The following SPATA22 variants were observed in gnomAD, a reference collection of about 807,000 sequenced individuals.
SPATA22 encodes spermatogenesis associated 22.
Under a neutral mutation model 47.8 loss-of-function variants are expected in SPATA22, and 29 were observed. The ratio of observed to expected loss-of-function variants is 0.61; its 90% confidence interval spans 0.45 to 0.83. The LOEUF (loss-of-function observed/expected upper bound fraction) is 0.83. SPATA22 is among the 40% of genes least tolerant of loss of function. SPATA22 has a pLI of 0.00. For synonymous variants in SPATA22, 133 were observed against 140.9 expected (o/e 0.94, Z 0.40); for missense variants, 410 against 421.7 (o/e 0.97, Z 0.24).
chr17:3,457,151 C>T (rs1222961570), intron 5 of SPATA22, among the ~76,000 whole-genome samples: 1 of 151,998 alleles, frequency 6.6e-6, no homozygotes, highest in Admixed American at 6.6e-5. Context: ...GACAGGGATG[C>T]CCTCTCTCAC....
upstream of SPATA22, chr17:3,476,012 AAATT>A (rs2073515661): frequency 2.7e-6 from 2 of 729,098 alleles, no homozygotes; most frequent in Non-Finnish European, 4.5e-6. Flanking sequence ...TTGTAACAGA[AAATT>A]AAAATATACT....
chr17:3,460,837 C>T (rs1317182740), intron 5 of SPATA22, among the ~76,000 whole-genome samples: 2 of 149,254 alleles, frequency 1.3e-5, no homozygotes, highest in Non-Finnish European at 3.0e-5. Context: ...TAAAAGTCCT[C>T]ATATCACCTC....
chr17:3,509,204 A>C (rs529348604), intron 1 of SPATA22, among the ~76,000 whole-genome samples: 4 of 146,716 alleles, frequency 2.7e-5, no homozygotes, highest in African/African-American at 1.0e-4. Flanking sequence ...TATTTCTTCC[A>C]AAAAAAAAAG....
At chr17:3,458,252 A>G (rs905319590) in intron 5 of SPATA22, among the ~76,000 whole-genome samples, 7 of 152,226 alleles carry the variant, frequency 4.6e-5, no homozygotes, top group African/African-American at 1.7e-4. Context: ...GGAAAATGCA[A>G]ATCAAAACTA....
Position 3,448,826 on chromosome 17 carries a change from G to A in SPATA22, c.653C>T (p.Pro218Leu). ...QYKKQMLDDI[P>L]EDNTLKETSL... is the part of the protein sequence containing the mutation. ...ATTTACCTTCAGGGTGTTGTCTTCT[G>A]GAATATCATCCAACATTTGTTTCTT... The change falls in exon 6 of 9, where the codon CCA becomes CTA. Residue 218 changes from proline to leucine, a missense_variant. By Grantham distance (98) the Pro-to-Leu change is moderately conservative. Transcript: ENST00000572969. The A allele has an allele frequency of 6.2e-7, 1 of 1,606,258 alleles. No homozygotes were observed. The highest frequency in any genetic ancestry group is 8.5e-7 in the Non-Finnish European group (1 of 1,175,398).
At chr17:3,483,428 T>C in intron 1 of SPATA22, 1 of 1,312,602 alleles carries the variant, frequency 7.6e-7, no homozygotes, top group Non-Finnish European at 1.1e-6. Context: ...AAGGTATTAT[T>C]GACTCTGTTG....
At chr17:3,474,343 T>G (rs918309531), upstream of SPATA22, among the ~76,000 whole-genome samples, 3 of 152,174 alleles carry the variant, frequency 2.0e-5, no homozygotes, top group African/African-American at 7.2e-5. Context: ...CAGCTACGAG[T>G]AAATAACTGA....
At chr17:3,489,735 A>G (rs934283544) in intron 1 of SPATA22, among the ~76,000 whole-genome samples, 1 of 152,222 alleles carries the variant, frequency 6.6e-6, no homozygotes, top group African/African-American at 2.4e-5. Context: ...GAAAAGGGGA[A>G]ACTCTCATTA....
upstream of SPATA22, chr17:3,471,856 G>A: frequency 2.0e-6 from 2 of 985,532 alleles, no homozygotes; most frequent in Non-Finnish European, 2.4e-6. Context: ...CGCAGGCGCA[G>A]TGGCCGCCAC....
Position 3,449,017 on chromosome 17 carries a change from T to G in SPATA22, c.462A>C (p.Gln154His). ...GTTCAGGTATTCTTAATTGTTTTTG[T>G]TGTTGAGCTCCCGAACTCACTGGAC... ...NSCPVSSGAQ[Q>H]QKQLRIPEPP... Residue 154 changes from glutamine (Q) to histidine (H), a missense_variant, in exon 6 of 9, where the codon CAA becomes CAC. Transcript: ENST00000572969. 1 of 1,614,068 alleles carries G rather than the reference T, an allele frequency of 6.2e-7. No individual in the cohort carries two copies. Among genetic ancestry groups the G allele is most frequent in the Admixed American group, 1.7e-5 (1 of 60,014 alleles).
chr17:3,501,170 G>C (rs1443746025), intron 1 of SPATA22: 1 of 152,014 alleles, frequency 6.6e-6, no homozygotes, highest in Non-Finnish European at 1.5e-5. Flanking sequence ...AGAAAAAAAA[G>C]AAAGGAAGAA....
At chr17:3,441,583 A>G (rs1407728919) in intron 8 of SPATA22, 1 of 152,096 alleles carries the variant, frequency 6.6e-6, no homozygotes, top group East Asian at 1.9e-4. Flanking sequence ...CAATCCTTTG[A>G]AAAATTCTTT....
In SPATA22 at chr17:3,467,476, G is replaced by A. The variant is rs530912497; in HGVS notation, c.122C>T (p.Ser41Leu). The A allele has an allele frequency of 6.2e-7, 1 of 1,609,146 alleles. No homozygotes were observed. Among genetic ancestry groups the A allele is most frequent in the South Asian group, 1.1e-5 (1 of 89,918 alleles). ...ATTGTCAGAAGGGGTACTGATACCT[G>A]AATCATCTTTAAGTGGATTAGAAGT... ...PLTSNPLKDD[S>L]GISTPSDNYD... The change falls in exon 3 of 9, where the codon TCA (serine) becomes TTA (leucine). Residue 41 changes from serine (S) to leucine (L), a missense_variant. By Grantham distance (145) the Ser-to-Leu change is moderately radical (BLOSUM62 -2). Transcript: ENST00000572969.
At chr17:3,441,238 C>A (rs919444276) in intron 8 of SPATA22, 1 of 151,892 alleles carries the variant, frequency 6.6e-6, no homozygotes, top group African/African-American at 2.4e-5. Flanking sequence ...AAAAAGCAAA[C>A]CATGGATATG....
At chr17:3,476,068 TCATTTA>T (rs1233327366), upstream of SPATA22, 7 of 1,208,836 alleles carry the variant, frequency 5.8e-6, no homozygotes, top group African/African-American at 3.0e-5. Context: ...GGGTAAAGTC[TCATTTA>T]CATTTCTAAA....
At chr17:3,468,157 G>C (rs1055010826) in intron 2 of SPATA22, 1 of 152,140 alleles carries the variant, frequency 6.6e-6, no homozygotes, top group African/African-American at 2.4e-5. Flanking sequence ...TTTTGAGAAT[G>C]CCTTAAAGAG....
chr17:3,478,215 T>C (rs1394717968), intron 1 of SPATA22, among the ~76,000 whole-genome samples: 1 of 151,926 alleles, frequency 6.6e-6, no homozygotes, highest in Non-Finnish European at 1.5e-5. Context: ...ATATAAGATA[T>C]GCACAGGCAC....
chr17:3,471,104 G>A (rs965284035), intron 1 of SPATA22, among the ~76,000 whole-genome samples: 9 of 151,946 alleles, frequency 5.9e-5, no homozygotes, highest in South Asian at 2.1e-4. Context: ...GCAGTGAGCC[G>A]AGATCACGCC....
chr17:3,469,429 G>A, intron 1 of SPATA22, 31 bp from the exon 2 acceptor site: 1 of 852,430 alleles, frequency 1.2e-6, no homozygotes. Flanking sequence ...AACTCGTATT[G>A]TCTCAACTAT....
Sources: allele counts gnomAD v4.1 joint callset (sites outside exome capture counted in the v4.1 genomes callset), GRCh38; gene constraint gnomAD v4.1.1; transcripts MANE v1.5; gene names NCBI Gene and HGNC (gene_info 2026-07-23, HGNC 2026-07-21).